The following CHL1 variants were observed in gnomAD, a reference collection of about 807,000 sequenced individuals.
CHL1 encodes the protein neural cell adhesion molecule L1-like protein.
In CHL1, 96 loss-of-function variants were observed where a neutral mutation model predicts 141.9. The observed-to-expected ratio is 0.68, with a 90% CI of 0.57 to 0.80. The LOEUF (loss-of-function observed/expected upper bound fraction) is 0.80. Among genes scored for constraint, CHL1 ranks in the 30% least tolerant of loss-of-function variants. The pLI is 0.00. For synonymous variants in CHL1, 613 were observed against 502.2 expected (o/e 1.22, Z -2.95); for missense variants, 1,820 against 1,457.2 (o/e 1.25, Z -4.05).
At chr3:344,788 G>A in intron 9 of CHL1, 79 bp downstream of exon 9, 1 of 1,339,562 alleles carries the variant, frequency 7.5e-7, no homozygotes, top group East Asian at 2.4e-5. Context: ...TTAAGACTGT[G>A]CTTGCAAAGA....
intron 14 of CHL1, among the ~76,000 whole-genome samples, chr3:364,499 C>T (rs887708142): frequency 6.6e-6 from 1 of 152,194 alleles, no homozygotes; most frequent in African/African-American, 2.4e-5. Context: ...TTGCCCAATA[C>T]AGTGCTTGGC....
intron 2 of CHL1, among the ~76,000 whole-genome samples, chr3:277,757 T>C (rs967608806): frequency 1.4e-4 from 21 of 152,242 alleles, no homozygotes; most frequent in Non-Finnish European, 2.1e-4. Context: ...TTTCCCTGTC[T>C]TTGGCATGAC....
At chr3:354,795 T>C in intron 11 of CHL1, 24 bp downstream of exon 11, 1 of 1,611,710 alleles carries the variant, frequency 6.2e-7, no homozygotes, top group Non-Finnish European at 8.5e-7. Context: ...CCAATTGCAA[T>C]GCAATGCTGA....
At position 391,034 on chromosome 3, in the gene CHL1, A is replaced by G. The variant is rs139238391; in HGVS notation, c.2666A>G (p.Gln889Arg). 77 of 1,613,898 alleles carry G rather than the reference A, an allele frequency of 4.8e-5. No individual in the cohort carries two copies. The highest frequency in any genetic ancestry group is 1.9e-5 in the Non-Finnish European group (22 of 1,179,828). The change falls in exon 22 of 28, where the codon CAA (glutamine) becomes CGA (arginine). Residue 889 changes from glutamine to arginine, a missense_variant. Physicochemically the swap from Gln to Arg is conservative, Grantham distance 43. Coordinates refer to ENST00000256509, the MANE Select transcript of CHL1 (RefSeq NM_006614.4). The stretch of plus-strand genomic sequence containing the variant: ...GTGAACATTCTAAGATTTTCAGGAC[A>G]AAGAAACTCTGGAATGGTTCCTTCC... Reference protein sequence around the residue: ...KEVNILRFSGQRNSGMVPSLD... With the variant: ...KEVNILRFSGRRNSGMVPSLD...
chr3:340,539 G>A (rs999728555), intron 5 of CHL1, among the ~76,000 whole-genome samples: 1 of 152,086 alleles, frequency 6.6e-6, no homozygotes, highest in Non-Finnish European at 1.5e-5. Context: ...GTATGTTATT[G>A]CCTTATTGTT....
intron 5 of CHL1, among the ~76,000 whole-genome samples, chr3:339,771 A>C (rs1248646981): frequency 6.6e-6 from 1 of 152,210 alleles, no homozygotes; most frequent in East Asian, 1.9e-4. Context: ...AAGCTTCTCA[A>C]GAAGAAATTT....
rs770195191 is a variant in CHL1 at position 382,723 on chromosome 3, C to A, written c.2176+52C>A. The A allele has an allele frequency of 4.5e-5, 65 of 1,446,068 alleles. No homozygotes were observed. The Middle Eastern group carries it at 2.5e-3, about 55-fold the overall frequency. 89.6% of individuals were successfully genotyped at this position (1,446,068 alleles called of 1,614,324 possible). A position where few individuals can be genotyped will look rare whatever the true frequency, so the allele number is the denominator to read the frequency against. On this transcript the variant is annotated intron_variant, in intron 18 of 27. Transcript: ENST00000256509. Reference sequence around the variant, plus strand: ...TAACAAAATATTTGTTTGTCCCCATCTTTGAACATCTAAAAAAAAAAGATT... The same window carrying A: ...TAACAAAATATTTGTTTGTCCCCATATTTGAACATCTAAAAAAAAAAGATT...
intron 16 of CHL1, among the ~76,000 whole-genome samples, chr3:381,645 T>C (rs1404859066): frequency 6.6e-6 from 1 of 152,110 alleles, no homozygotes. Flanking sequence ...TGATTTGCAA[T>C]TGGTTAAGGA....
At chr3:213,567 G>A (rs1279394208) in intron 1 of CHL1, 2 of 152,178 alleles carry the variant, frequency 1.3e-5, no homozygotes, top group Admixed American at 1.3e-4. Flanking sequence ...CTCTCAAAGT[G>A]TTGTGAGCCT....
intron 2 of CHL1, among the ~76,000 whole-genome samples, chr3:299,236 A>G (rs193081): frequency 0.21 from 32,452 of 152,146 alleles, 4,945 homozygotes; most frequent in African/African-American, 0.41. Flanking sequence ...AGAGTGCAGC[A>G]TACTTGGCCT....
chr3:297,171 A>G (rs1698266139), intron 2 of CHL1, among the ~76,000 whole-genome samples: 1 of 152,134 alleles, frequency 6.6e-6, no homozygotes, highest in Non-Finnish European at 1.5e-5. Flanking sequence ...GGCTTCAGAG[A>G]GCTGTGATCA....
At chr3:357,745 G>C (rs937572248) in intron 11 of CHL1, among the ~76,000 whole-genome samples, 6 of 152,158 alleles carry the variant, frequency 3.9e-5, no homozygotes, top group African/African-American at 1.2e-4. Context: ...CATGCCAACA[G>C]GCAGATTTAA....
In CHL1 at chr3:365,828, G is replaced by A. The variant is rs1000091066; in HGVS notation, c.1586-122G>A. ...ATACAATGTTAGGAAATTACAGTGG[G>A]ACAAACCCTGCATGAGGATTGGACA... On this transcript the variant is annotated intron_variant, in intron 14 of 27. Coordinates refer to ENST00000256509, the MANE Select transcript of CHL1 (RefSeq NM_006614.4). 20 of 673,704 alleles carry A rather than the reference G, an allele frequency of 3.0e-5. No homozygotes were observed. The African/African-American group carries it at 3.3e-4, about 11-fold the overall frequency. 41.7% of individuals were successfully genotyped at this position (673,704 alleles called of 1,614,324 possible). A position where few individuals can be genotyped will look rare whatever the true frequency, so the allele number is the denominator to read the frequency against.
intron 3 of CHL1, among the ~76,000 whole-genome samples, chr3:320,779 G>C (rs73009511): frequency 6.6e-6 from 1 of 151,982 alleles, no homozygotes; most frequent in Non-Finnish European, 1.5e-5. Context: ...AGATCTTGCA[G>C]ATTTTTCTTG....
intron 1 of CHL1, among the ~76,000 whole-genome samples, chr3:220,996 A>G (rs1201827053): frequency 2.0e-5 from 3 of 152,172 alleles, no homozygotes; most frequent in Non-Finnish European, 4.4e-5. Flanking sequence ...CTTAACCAAG[A>G]CACTCCCTTC....
intron 1 of CHL1, among the ~76,000 whole-genome samples, chr3:238,216 T>C (rs1389229288): frequency 6.6e-6 from 1 of 152,144 alleles, no homozygotes; most frequent in East Asian, 1.9e-4. Context: ...GCCTCCATGA[T>C]TTGAATCAAG....
Position 366,086 on chromosome 3 carries a change from C to T in CHL1, c.1722C>T (p.Ala574=). ...LKLSWSKDGE[A]FEINGTEDGR... is the part of the protein sequence containing the mutation. ...TGTCCTGGAGTAAAGATGGAGAAGC[C>T]TTTGAAATTAATGGCACAGAAGATG... is the stretch of plus-strand genomic sequence containing the variant. Residue 574 remains alanine (A), a synonymous_variant, in exon 15 of 28, where the codon GCC becomes GCT. Transcript: ENST00000256509. 6.2e-7 allele frequency: 1 copy of T among 1,613,622 alleles called. No homozygotes were observed. The highest frequency in any genetic ancestry group is 8.5e-7 in the Non-Finnish European group (1 of 1,179,816).
At chr3:282,051 T>C (rs1696708061) in intron 2 of CHL1, among the ~76,000 whole-genome samples, 2 of 152,240 alleles carry the variant, frequency 1.3e-5, no homozygotes, top group Non-Finnish European at 2.9e-5. Flanking sequence ...TGTTTCTATG[T>C]CTTTGCTTTT....
At chr3:239,653 G>A (rs949197286) in intron 1 of CHL1, among the ~76,000 whole-genome samples, 1 of 150,732 alleles carries the variant, frequency 6.6e-6, no homozygotes, top group South Asian at 2.1e-4. Context: ...GGTGGTATTT[G>A]GTTGCGTAAG....
Sources: allele counts gnomAD v4.1 joint callset (sites outside exome capture counted in the v4.1 genomes callset), GRCh38; gene constraint gnomAD v4.1.1; transcripts MANE v1.5; gene names NCBI Gene and HGNC (gene_info 2026-07-23, HGNC 2026-07-21).